Variants in TANC1 observed in about 807,000 individuals in gnomAD.
The protein encoded by TANC1 is tetratricopeptide repeat, ankyrin repeat and coiled-coil containing 1.
In TANC1, 77 loss-of-function variants were observed where a neutral mutation model predicts 149.7. The observed-to-expected ratio is 0.51, with a 90% CI of 0.43 to 0.62. The LOEUF is 0.62. TANC1 is among the 20% of genes least tolerant of loss of function. TANC1 has a pLI of 0.00. For synonymous variants in TANC1, 854 were observed against 925.0 expected (o/e 0.92, Z 1.39); for missense variants, 1,985 against 2,321.8 (o/e 0.85, Z 2.98).
In TANC1 at chr2:159,196,619, G is replaced by C; in HGVS notation, c.2991G>C (p.Leu997Phe). Residue 997 changes from leucine (L) to phenylalanine (F), a missense_variant, in exon 18 of 27, where the codon TTG (leucine) becomes TTC (phenylalanine). By Grantham distance (22) the Leu-to-Phe change is conservative. Transcript: ENST00000263635. ...LTKKGVRVDHLDKKGQCALVH... is the reference protein window; with the variant it reads ...LTKKGVRVDHFDKKGQCALVH... Reference sequence around the variant, plus strand: ...ACTCCTGCCCCCAGGTGGACCACTTGGATAAGAAGGGCCAGTGTGCGCTTG... The same window carrying C: ...ACTCCTGCCCCCAGGTGGACCACTTCGATAAGAAGGGCCAGTGTGCGCTTG... 1 of 1,599,302 alleles carries C rather than the reference G, an allele frequency of 6.3e-7. No homozygotes were observed. The highest frequency in any genetic ancestry group is 8.5e-7 in the Non-Finnish European group (1 of 1,170,474).
intron 7 of TANC1, among the ~76,000 whole-genome samples, chr2:159,162,686 T>C (rs556754543): frequency 1.2e-4 from 19 of 152,234 alleles, no homozygotes; most frequent in Non-Finnish European, 2.6e-4. Context: ...GCGCTGGATA[T>C]GGGAAGGTTT....
chr2:159,219,122 C>T, intron 20 of TANC1, 116 bp from the exon 21 acceptor site: 1 of 1,389,652 alleles, frequency 7.2e-7, no homozygotes, highest in East Asian at 2.3e-5. Flanking sequence ...ACACAACTTA[C>T]AGATTTTTGA....
intron 1 of TANC1, among the ~76,000 whole-genome samples, chr2:158,997,624 G>C (rs1401300887): frequency 6.6e-6 from 1 of 152,156 alleles, no homozygotes; most frequent in African/African-American, 2.4e-5. Flanking sequence ...AAGGATGTGG[G>C]CATGTCTGAA....
chr2:159,096,247 G>A (rs1477976525), intron 3 of TANC1, among the ~76,000 whole-genome samples: 4 of 150,216 alleles, frequency 2.7e-5, no homozygotes. Context: ...GTGGGAAGAA[G>A]CAGTCAGAGG....
rs1260130073 is a variant in TANC1, at chr2:159,190,332, A to G, written c.2742+3308A>G. On this transcript the variant is annotated intron_variant, in intron 16 of 26. Transcript: ENST00000263635. ...ACTGGCTGGCAAAATTATCCAGGGA[A>G]TTTACAAATGATCCTGCCCATCCTG... 3.9e-5 allele frequency among the ~76,000 whole-genome samples: 6 copies of G among 152,266 alleles called. No homozygotes were observed. In the East Asian group the frequency reaches 1.2e-3, roughly 29 times the overall value.
chr2:159,075,422 A>G (rs2043572653), intron 3 of TANC1, among the ~76,000 whole-genome samples: 2 of 151,544 alleles, frequency 1.3e-5, no homozygotes, highest in Admixed American at 6.6e-5. Flanking sequence ...AAAACAAAAA[A>G]AAAACTGGCC....
intron 1 of TANC1, among the ~76,000 whole-genome samples, chr2:158,987,490 T>C (rs2035147676): frequency 6.6e-6 from 1 of 152,172 alleles, no homozygotes; most frequent in South Asian, 2.1e-4. Flanking sequence ...ATCACGCCAC[T>C]GCACTCCAGC....
intron 26 of TANC1, 78 bp from the exon 27 acceptor site, chr2:159,229,500 A>G: frequency 2.5e-6 from 3 of 1,220,502 alleles, no homozygotes; most frequent in East Asian, 5.1e-5. Context: ...TCCTTTGAGC[A>G]CAGCTCTTTT....
intron 2 of TANC1, among the ~76,000 whole-genome samples, chr2:159,017,562 T>C (rs1278955670): frequency 6.6e-6 from 1 of 152,174 alleles, no homozygotes; most frequent in Non-Finnish European, 1.5e-5. Flanking sequence ...AGACTGGATA[T>C]ACCTGTTTTG....
chr2:159,038,138 A>G (rs150619540), intron 2 of TANC1, among the ~76,000 whole-genome samples: 3,769 of 152,258 alleles, frequency 0.025, 67 homozygotes, highest in Middle Eastern at 0.068. Flanking sequence ...GAGTTCACTC[A>G]TGATTTGGCT....
intron 4 of TANC1, among the ~76,000 whole-genome samples, 184 bp from the exon 5 acceptor site, chr2:159,136,002 TTGTGTGTG>T (rs754052800): frequency 0.017 from 1,827 of 107,858 alleles, 57 homozygotes; most frequent in Admixed American, 0.099. Context: ...TACTGAAATT[TTGTGTGTG>T]TGTGTGTGTG....
intron 1 of TANC1, among the ~76,000 whole-genome samples, chr2:158,995,585 C>A (rs1422712620): frequency 6.6e-6 from 1 of 152,134 alleles, no homozygotes; most frequent in Non-Finnish European, 1.5e-5. Context: ...TTAAGATCTC[C>A]CCTGGGTTTT....
At chr2:159,132,677 T>TA (rs1219782543) in intron 4 of TANC1, among the ~76,000 whole-genome samples, 8 of 129,356 alleles carry the variant, frequency 6.2e-5, no homozygotes, top group African/African-American at 2.0e-4. Context: ...TTTTTTTTTT[T>TA]AAGTAGAGAT....
chr2:159,028,653 C>T (rs926901278), intron 2 of TANC1, among the ~76,000 whole-genome samples: 4 of 152,326 alleles, frequency 2.6e-5, no homozygotes, highest in African/African-American at 9.6e-5. Context: ...GTATTTCATC[C>T]TCTGTGACTG....
At position 159,163,352 on chromosome 2, in the gene TANC1, A is replaced by G. The variant is rs12466551; in HGVS notation, c.752A>G (p.Asn251Ser). 0.99 allele frequency: 1,603,599 copies of G among 1,614,228 alleles called. 796,646 individuals are homozygous for G. The highest frequency in any genetic ancestry group is 1 in the East Asian group (44,886 of 44,890). ...GSSLEWNKDG[N>S]LRLGVQKGVL... Reference sequence around the variant, plus strand: ...AGTTTGGAATGGAATAAAGATGGAAACCTAAGATTAGGGGTTCAGAAGGGA... The same window carrying G: ...AGTTTGGAATGGAATAAAGATGGAAGCCTAAGATTAGGGGTTCAGAAGGGA... Residue 251 changes from asparagine to serine, a missense_variant, in exon 8 of 27, where the codon AAC (asparagine) becomes AGC (serine). Transcript: ENST00000263635.
intron 2 of TANC1, among the ~76,000 whole-genome samples, chr2:159,034,984 C>G (rs79834326): frequency 1.8e-3 from 278 of 152,168 alleles, no homozygotes; most frequent in African/African-American, 6.3e-3. Flanking sequence ...GGATTTGGAC[C>G]GTCACATGGA....
At chr2:159,086,617 A>T (rs1475675632) in intron 3 of TANC1, among the ~76,000 whole-genome samples, 3 of 152,188 alleles carry the variant, frequency 2.0e-5, no homozygotes, top group Admixed American at 2.0e-4. Context: ...AACCTCTGGA[A>T]ATAAAGGGAG....
intron 4 of TANC1, among the ~76,000 whole-genome samples, chr2:159,098,128 A>G (rs954733277): frequency 3.3e-5 from 5 of 152,228 alleles, no homozygotes; most frequent in African/African-American, 1.2e-4. Flanking sequence ...AAGGAGCACT[A>G]TACAGTTATG....
intron 19 of TANC1, among the ~76,000 whole-genome samples, chr2:159,216,397 T>C (rs972305338): frequency 6.6e-6 from 1 of 152,168 alleles, no homozygotes; most frequent in African/African-American, 2.4e-5. Context: ...CTCCATCTCC[T>C]TCCTCCCTCC....
Sources: gnomAD v4.1 joint callset for allele counts (sites outside exome capture counted in the v4.1 genomes callset) on GRCh38, gnomAD v4.1.1 for gene constraint, MANE v1.5 for transcripts, NCBI Gene and HGNC (gene_info 2026-07-23, HGNC 2026-07-21) for gene names.